The following KCNK2 variants were observed in gnomAD, a reference collection of about 807,000 sequenced individuals.
KCNK2 encodes the protein potassium channel subfamily K member 2.
Under a neutral mutation model 40.5 loss-of-function variants are expected in KCNK2, and 21 were observed. That is an observed-to-expected ratio of 0.52 (90% CI 0.37 to 0.75). KCNK2 has a LOEUF of 0.75. Ranked by LOEUF, KCNK2 falls within the 30% of genes least tolerant of loss-of-function variation. The pLI is 0.00. For synonymous variants in KCNK2, 191 were observed against 202.2 expected (o/e 0.94, Z 0.47); for missense variants, 399 against 531.6 (o/e 0.75, Z 2.45).
At chr1:215,074,755 C>T (rs931692126) in intron 1 of KCNK2, among the ~76,000 whole-genome samples, 6 of 151,976 alleles carry the variant, frequency 3.9e-5, no homozygotes, top group Admixed American at 2.0e-4. Context: ...GGAGGATTGT[C>T]GGTGGAGGAT....
chr1:215,107,670 C>A (rs1176042138), intron 2 of KCNK2, among the ~76,000 whole-genome samples: 1 of 151,954 alleles, frequency 6.6e-6, no homozygotes, highest in Non-Finnish European at 1.5e-5. Context: ...AAGTCCTTAG[C>A]CCATTTTAAA....
intron 1 of KCNK2, among the ~76,000 whole-genome samples, chr1:215,045,375 T>G (rs1427715017): frequency 6.6e-6 from 1 of 152,204 alleles, no homozygotes; most frequent in Non-Finnish European, 1.5e-5. Flanking sequence ...TGGGTCTTTG[T>G]ACTATTAATT....
intron 2 of KCNK2, among the ~76,000 whole-genome samples, chr1:215,104,665 A>C (rs1358640489): frequency 6.6e-6 from 1 of 152,160 alleles, no homozygotes; most frequent in Non-Finnish European, 1.5e-5. Flanking sequence ...AAGTGAGGTT[A>C]TAAATGGATT....
At position 215,235,075 on chromosome 1, in the gene KCNK2, G is replaced by A. The variant is rs76873069; in HGVS notation, c.1211G>A (p.Ser404Asn). 110 of 1,613,252 alleles carry A rather than the reference G, an allele frequency of 6.8e-5. No individual in the cohort carries two copies. The East Asian group carries it at 2.2e-3, about 32-fold the overall frequency. ...TTGCCTCCCTTACTGAAGACTGAGA[G>A]TATCTATCTGAATGGTTTGACGCCA... ...DVLPPLLKTE[S>N]IYLNGLTPHC... Residue 404 changes from serine to asparagine, a missense_variant, in exon 7 of 7, where the codon AGT (serine) becomes AAT (asparagine). Ser to Asn is a conservative substitution (Grantham distance 46). Transcript: ENST00000444842.
At chr1:215,184,105 G>A (rs1664333898) in intron 5 of KCNK2, among the ~76,000 whole-genome samples, 1 of 152,148 alleles carries the variant, frequency 6.6e-6, no homozygotes. Flanking sequence ...TGGGAAAGGA[G>A]GGTGCATCAC....
intron 6 of KCNK2, among the ~76,000 whole-genome samples, chr1:215,222,843 A>AATGAT (rs1020460855): frequency 1.3e-5 from 2 of 152,138 alleles, no homozygotes; most frequent in African/African-American, 4.8e-5. Flanking sequence ...AAAATGAATT[A>AATGAT]ATGATAATTG....
At position 215,113,810 on chromosome 1, in the gene KCNK2, G is replaced by C. The variant is rs139563719; in HGVS notation, c.358-10823G>C. On this transcript the variant is annotated intron_variant, in intron 2 of 6. Transcript: ENST00000444842. ...GGGGTTTTCCCATGTTGACCATGCT[G>C]GTCTTGAACACCTGGCCTCAAGTGA... Among the ~76,000 whole-genome samples, 429 of 152,208 alleles carry C rather than the reference G, an allele frequency of 2.8e-3. 3 individuals are homozygous for C. The highest frequency in any genetic ancestry group is 9.7e-3 in the African/African-American group (402 of 41,536).
chr1:215,224,932 T>TA (rs1666323502), intron 6 of KCNK2, among the ~76,000 whole-genome samples: 1 of 152,132 alleles, frequency 6.6e-6, no homozygotes, highest in Non-Finnish European at 1.5e-5. Flanking sequence ...TTCTGATACT[T>TA]GGGTTGCGTT....
chr1:215,091,460 T>C (rs1659690352), intron 2 of KCNK2, among the ~76,000 whole-genome samples: 1 of 152,224 alleles, frequency 6.6e-6, no homozygotes, highest in African/African-American at 2.4e-5. Context: ...TTCTCTAGAA[T>C]ACCAGTGATA....
chr1:215,050,761 C>T (rs1043594352), intron 1 of KCNK2, among the ~76,000 whole-genome samples: 2 of 152,160 alleles, frequency 1.3e-5, no homozygotes, highest in Non-Finnish European at 2.9e-5. Context: ...GATATATGAT[C>T]ATCTTACTTA....
intron 1 of KCNK2, among the ~76,000 whole-genome samples, chr1:215,061,819 G>T (rs1658371573): frequency 6.6e-6 from 1 of 151,992 alleles, no homozygotes; most frequent in South Asian, 2.1e-4. Flanking sequence ...AATAATAAAG[G>T]ATAAGACTGA....
chr1:215,152,044 C>G (rs193224228), intron 3 of KCNK2, among the ~76,000 whole-genome samples: 29 of 152,044 alleles, frequency 1.9e-4, no homozygotes, highest in Non-Finnish European at 3.7e-4. Context: ...TTGTTCCATT[C>G]TTTTGTTCAC....
chr1:215,175,234 C>T (rs898006726), intron 5 of KCNK2, among the ~76,000 whole-genome samples: 25 of 151,828 alleles, frequency 1.6e-4, no homozygotes, highest in African/African-American at 6.0e-4. Context: ...ATCAGGTTAC[C>T]TACTGAGGTA....
chr1:215,135,591 T>A (rs1011957909), intron 3 of KCNK2, among the ~76,000 whole-genome samples: 2 of 151,848 alleles, frequency 1.3e-5, no homozygotes, highest in African/African-American at 4.8e-5. Context: ...AAAAAAAAAA[T>A]TGTTTAGCAT....
intron 1 of KCNK2, among the ~76,000 whole-genome samples, chr1:215,038,961 G>T (rs962974992): frequency 6.6e-6 from 1 of 151,638 alleles, no homozygotes; most frequent in Admixed American, 6.6e-5. Context: ...ATTTGTTGTT[G>T]CCATGGAAGC....
chr1:215,189,422 A>G (rs912218051), intron 5 of KCNK2, among the ~76,000 whole-genome samples: 4 of 152,172 alleles, frequency 2.6e-5, no homozygotes, highest in African/African-American at 9.6e-5. Flanking sequence ...AATTGGGTAC[A>G]TCTATATACT....
chr1:215,117,505 T>C (rs762745478), intron 2 of KCNK2, among the ~76,000 whole-genome samples: 4 of 152,150 alleles, frequency 2.6e-5, no homozygotes, highest in Non-Finnish European at 5.9e-5. Context: ...GTAATAAATA[T>C]CATACTGCAG....
intron 1 of KCNK2, among the ~76,000 whole-genome samples, chr1:215,007,037 A>ATATATATATATATATGTGTGTGTGTGTG: frequency 1.9e-5 from 1 of 51,604 alleles, no homozygotes; most frequent in African/African-American, 6.2e-5. Flanking sequence ...ATATATATAT[A>ATATATATATATATATGTGTGTGTGTGTG]TGTGTGTGTG....
At chr1:215,103,991 T>G (rs927199869) in intron 2 of KCNK2, among the ~76,000 whole-genome samples, 3 of 152,034 alleles carry the variant, frequency 2.0e-5, no homozygotes, top group Non-Finnish European at 4.4e-5. Context: ...CAAACTGGGA[T>G]GAGTGTTTTT....
Sources: gnomAD v4.1 joint callset for allele counts (sites outside exome capture counted in the v4.1 genomes callset) on GRCh38, gnomAD v4.1.1 for gene constraint, MANE v1.5 for transcripts, NCBI Gene and HGNC (gene_info 2026-07-23, HGNC 2026-07-21) for gene names.